The following NRG3 variants were observed in gnomAD, a reference collection of about 807,000 sequenced individuals.
NRG3 encodes the protein pro-neuregulin-3, membrane-bound isoform.
Under a neutral mutation model 66.9 loss-of-function variants are expected in NRG3, and 31 were observed. The observed-to-expected ratio is 0.46, with a 90% CI of 0.35 to 0.63. The LOEUF is 0.63. Among genes scored for constraint, NRG3 ranks in the 20% least tolerant of loss-of-function variants. NRG3 has a pLI of 0.00. For missense variants in NRG3, 910 were observed against 878.9 expected (o/e 1.04, Z -0.45); for synonymous variants, 393 against 359.4 (o/e 1.09, Z -1.06).
At chr10:82,226,153 A>G (rs1460115907) in intron 1 of NRG3, among the ~76,000 whole-genome samples, 1 of 152,188 alleles carries the variant, frequency 6.6e-6, no homozygotes, top group Non-Finnish European at 1.5e-5. Flanking sequence ...AACACACTTC[A>G]GCATCCAGTT....
intron 1 of NRG3, among the ~76,000 whole-genome samples, chr10:82,221,419 A>G (rs11193050): frequency 0.026 from 3,903 of 152,236 alleles, 195 homozygotes; most frequent in East Asian, 0.19. Context: ...GCCCCCCTCC[A>G]TAATGCAGCT....
At chr10:82,779,830 A>G (rs903652387) in intron 3 of NRG3, among the ~76,000 whole-genome samples, 8 of 151,958 alleles carry the variant, frequency 5.3e-5, no homozygotes, top group African/African-American at 1.9e-4. Flanking sequence ...ACCCATCAAC[A>G]GTCATCTACA....
rs546921984 is a variant in NRG3 at position 82,744,897 on chromosome 10, A to G, written c.1027+6247A>G. On this transcript the variant is annotated intron_variant, in intron 3 of 8. Coordinates refer to ENST00000372141, the MANE Select transcript of NRG3 (RefSeq NM_001010848.4). ...GAGAGCTCAATAAATATTATCTATT[A>G]TCATCATTATTATTTTTGTTGTTTC... 9.9e-5 allele frequency among the ~76,000 whole-genome samples: 15 copies of G among 152,274 alleles called. No individual in the cohort carries two copies. The South Asian group carries it at 2.5e-3, about 25-fold the overall frequency.
chr10:82,236,365 G>T (rs1016171187), intron 1 of NRG3, among the ~76,000 whole-genome samples: 1 of 152,122 alleles, frequency 6.6e-6, no homozygotes, highest in African/African-American at 2.4e-5. Context: ...AAATGCTGAG[G>T]GAAACCCTGC....
chr10:82,808,689 T>C (rs2061380914), intron 3 of NRG3, among the ~76,000 whole-genome samples: 2 of 152,224 alleles, frequency 1.3e-5, no homozygotes, highest in South Asian at 4.1e-4. Flanking sequence ...CCATGCTTCA[T>C]GTTTTAAATC....
At chr10:82,982,700 T>C (rs1853054915) in intron 8 of NRG3, among the ~76,000 whole-genome samples, 1 of 152,188 alleles carries the variant, frequency 6.6e-6, no homozygotes, top group African/African-American at 2.4e-5. Context: ...GATGGCAAAA[T>C]TAAAGTGAGG....
At chr10:82,085,062 T>C (rs561138028) in intron 1 of NRG3, among the ~76,000 whole-genome samples, 4 of 152,248 alleles carry the variant, frequency 2.6e-5, no homozygotes, top group African/African-American at 9.6e-5. Context: ...CCATCGTCAA[T>C]GGAAGAGAAC....
chr10:82,035,099 G>A (rs533236625), intron 1 of NRG3, among the ~76,000 whole-genome samples: 2 of 152,094 alleles, frequency 1.3e-5, no homozygotes, highest in South Asian at 2.1e-4. Context: ...CCTGTAGTTC[G>A]AGCAGCTTGC....
chr10:82,361,001 C>T (rs970721356), intron 2 of NRG3, among the ~76,000 whole-genome samples: 2 of 152,146 alleles, frequency 1.3e-5, no homozygotes, highest in Non-Finnish European at 2.9e-5. Flanking sequence ...AACTTCATTA[C>T]TTCTGTGAAG....
chr10:82,735,017 AG>A (rs2134695727), intron 2 of NRG3, among the ~76,000 whole-genome samples: 2 of 150,772 alleles, frequency 1.3e-5, no homozygotes, highest in Non-Finnish European at 1.5e-5. Flanking sequence ...AAAAAAAAAA[AG>A]AAAAAAAAAA....
intron 1 of NRG3, among the ~76,000 whole-genome samples, chr10:82,235,300 C>T (rs188786517): frequency 7.2e-5 from 11 of 152,312 alleles, no homozygotes; most frequent in Admixed American, 7.2e-4. Flanking sequence ...TGAAAAATAA[C>T]TTACTATCTG....
intron 3 of NRG3, among the ~76,000 whole-genome samples, chr10:82,805,625 A>G (rs1446562543): frequency 2.6e-5 from 4 of 152,042 alleles, no homozygotes; most frequent in Non-Finnish European, 5.9e-5. Flanking sequence ...GGGGAGGTGT[A>G]TGGAGGATGG....
chr10:82,310,223 T>A (rs2080953296), intron 1 of NRG3, among the ~76,000 whole-genome samples: 2 of 152,178 alleles, frequency 1.3e-5, no homozygotes, highest in African/African-American at 4.8e-5. Context: ...AGTTTGTATT[T>A]TGCGATTGGA....
chr10:82,492,418 ACT>A (rs1255018771), intron 2 of NRG3, among the ~76,000 whole-genome samples: 2 of 152,152 alleles, frequency 1.3e-5, no homozygotes, highest in Non-Finnish European at 1.5e-5. Flanking sequence ...ATTAAGTAAC[ACT>A]CTCTGGTGAT....
chr10:82,290,176 A>C (rs1226467667), intron 1 of NRG3, among the ~76,000 whole-genome samples: 1 of 152,150 alleles, frequency 6.6e-6, no homozygotes, highest in African/African-American at 2.4e-5. Context: ...TTAAGAGAAG[A>C]GTACTTAGGT....
chr10:82,773,296 G>T (rs750891631), intron 3 of NRG3, among the ~76,000 whole-genome samples: 2 of 152,108 alleles, frequency 1.3e-5, no homozygotes, highest in South Asian at 4.1e-4. Flanking sequence ...GGTGTGATGT[G>T]ATTATATCCT....
intron 3 of NRG3, among the ~76,000 whole-genome samples, chr10:82,793,079 T>C (rs73307221): frequency 0.01 from 1,533 of 152,288 alleles, 26 homozygotes; most frequent in African/African-American, 0.035. Flanking sequence ...ATTTTGGTTT[T>C]TGAAAATGAA....
At chr10:82,852,056 A>ACT (rs988079741) in intron 3 of NRG3, among the ~76,000 whole-genome samples, 2 of 152,176 alleles carry the variant, frequency 1.3e-5, no homozygotes, top group Non-Finnish European at 2.9e-5. Context: ...GCAAGGCGGG[A>ACT]CTTTGGAATT....
intron 1 of NRG3, among the ~76,000 whole-genome samples, chr10:82,306,466 G>A (rs2080730153): frequency 6.6e-6 from 1 of 152,016 alleles, no homozygotes; most frequent in African/African-American, 2.4e-5. Context: ...CACTTTGGGA[G>A]GCCGAGGCGG....
Sources: allele counts gnomAD v4.1 joint callset (sites outside exome capture counted in the v4.1 genomes callset), GRCh38; gene constraint gnomAD v4.1.1; transcripts MANE v1.5; gene names NCBI Gene and HGNC (gene_info 2026-07-23, HGNC 2026-07-21).